Variants in ZNF827 observed in about 807,000 individuals in gnomAD.
ZNF827 encodes zinc finger protein 827.
A neutral mutation model predicts 102.4 loss-of-function variants in ZNF827; 13 were observed. The ratio of observed to expected loss-of-function variants is 0.13; its 90% CI spans 0.08 to 0.20. The LOEUF (loss-of-function observed/expected upper bound fraction) is 0.20. Among genes scored for constraint, ZNF827 ranks in the 10% least tolerant of loss-of-function variants. The pLI is 1.00. For synonymous variants in ZNF827, 523 were observed against 536.2 expected, an observed-to-expected ratio of 0.98 and a Z score of 0.34; for missense variants, 1,103 against 1,344.4, an observed-to-expected ratio of 0.82 and a Z score of 2.81.
intron 3 of ZNF827, among the ~76,000 whole-genome samples, chr4:145,889,647 G>A (rs2126838084): frequency 6.8e-6 from 1 of 147,782 alleles, no homozygotes; most frequent in East Asian, 2.0e-4. Flanking sequence ...TCCGCCTCCC[G>A]TACTGACCCC....
intron 6 of ZNF827, among the ~76,000 whole-genome samples, chr4:145,846,730 T>C: frequency 7.4e-6 from 1 of 134,430 alleles, no homozygotes; most frequent in Middle Eastern, 6.5e-3. Context: ...GGCAGGAGAA[T>C]GGCGTGAACC....
intron 8 of ZNF827, among the ~76,000 whole-genome samples, chr4:145,783,900 G>A (rs1291649568): frequency 6.6e-6 from 1 of 152,170 alleles, no homozygotes; most frequent in African/African-American, 2.4e-5. Flanking sequence ...ATTGGAGGTG[G>A]GGCCTTGTGG....
intron 5 of ZNF827, among the ~76,000 whole-genome samples, chr4:145,864,177 A>G (rs1029352056): frequency 1.3e-5 from 2 of 151,002 alleles, no homozygotes; most frequent in African/African-American, 2.4e-5. Flanking sequence ...CTCATACACA[A>G]CCTCCCACAC....
intron 10 of ZNF827, among the ~76,000 whole-genome samples, chr4:145,775,424 CA>C (rs1736910898): frequency 6.6e-6 from 1 of 151,750 alleles, no homozygotes; most frequent in African/African-American, 2.4e-5. Flanking sequence ...TATATTTCCT[CA>C]GCTTTTTTTT....
chr4:145,904,715 CGT>C (rs138520333), intron 1 of ZNF827, among the ~76,000 whole-genome samples: 36 of 151,698 alleles, frequency 2.4e-4, no homozygotes, highest in Non-Finnish European at 3.7e-4. Context: ...TGTGTATGCA[CGT>C]GTGTGTGTGT....
chr4:145,936,879 C>G (rs1396918636), intron 1 of ZNF827, among the ~76,000 whole-genome samples: 1 of 152,022 alleles, frequency 6.6e-6, no homozygotes, highest in Non-Finnish European at 1.5e-5. Context: ...GATCGGGCTC[C>G]GAGCAGCGCC....
chr4:145,779,366 T>G lies in ZNF827; in HGVS notation c.2521+8A>C, dbSNP rs751580703. The G allele has an allele frequency of 7.4e-6, 12 of 1,613,488 alleles. No individual in the cohort carries two copies. Among genetic ancestry groups the G allele is most frequent in the Non-Finnish European group, 1.0e-5 (12 of 1,179,750 alleles). ...AGAGGGCTGACAGCCCAGGCCCTAC[T>G]CACTCACCTGTGTGCAGCGAGAGGT... On this transcript the variant is annotated splice_region_variant and intron_variant, in intron 9 of 14. Coordinates refer to ENST00000508784, the MANE Select transcript of ZNF827 (RefSeq NM_001306215.2).
chr4:145,854,925 C>T (rs989774710), intron 5 of ZNF827, among the ~76,000 whole-genome samples: 1 of 151,454 alleles, frequency 6.6e-6, no homozygotes, highest in South Asian at 2.1e-4. Flanking sequence ...CTGCACTGAG[C>T]TCTCAGGGGA....
intron 8 of ZNF827, among the ~76,000 whole-genome samples, chr4:145,809,873 C>T (rs2126380329): frequency 6.6e-6 from 1 of 152,250 alleles, no homozygotes. Context: ...GCTCTGAGTT[C>T]CTGGGGAGAC....
At chr4:145,835,003 A>C (rs1023206451) in intron 7 of ZNF827, 7 of 152,280 alleles carry the variant, frequency 4.6e-5, no homozygotes, top group East Asian at 1.9e-4. Context: ...ACCTCCTCCC[A>C]CAGGAGCTTG....
intron 7 of ZNF827, chr4:145,831,163 G>T (rs1486604621): frequency 6.6e-6 from 1 of 152,196 alleles, no homozygotes; most frequent in South Asian, 2.1e-4. Flanking sequence ...TAGGGAATGT[G>T]GGGGTGGACA....
chr4:145,880,095 C>T (rs1356242552), intron 4 of ZNF827, among the ~76,000 whole-genome samples: 18 of 152,158 alleles, frequency 1.2e-4, no homozygotes, highest in Admixed American at 1.2e-3. Flanking sequence ...ATTAGCTGGT[C>T]ATGGTGGCAG....
chr4:145,936,444 AT>A (rs374539907), intron 1 of ZNF827, among the ~76,000 whole-genome samples: 33,315 of 148,548 alleles, frequency 0.22, 3,739 homozygotes, highest in South Asian at 0.25. Flanking sequence ...GCACAGGGGC[AT>A]TTTTTTTTTT....
At chr4:145,867,067 G>A (rs992199075) in intron 5 of ZNF827, among the ~76,000 whole-genome samples, 2 of 152,124 alleles carry the variant, frequency 1.3e-5, no homozygotes, top group Non-Finnish European at 2.9e-5. Context: ...AATTATCTTT[G>A]GCAACCATAT....
rs555366388 is a variant in ZNF827, at chr4:145,858,116, G to A, written c.1982-8555C>T. On this transcript the variant is annotated intron_variant, in intron 5 of 14. Transcript: ENST00000508784. ...ATATCCTTCCATGAACCAGAGTGCTGATGTGTGTGCATGTGTGAGTGTGTG... is the reference window on the plus strand; with the variant it reads ...ATATCCTTCCATGAACCAGAGTGCTAATGTGTGTGCATGTGTGAGTGTGTG... Among the ~76,000 whole-genome samples the A allele has an allele frequency of 2.1e-5, 3 of 143,610 alleles. No homozygotes were observed. The East Asian group carries it at 6.4e-4, about 30-fold the overall frequency. The allele number at this position is 143,610 out of a possible 152,430, so 94.2% of individuals were successfully genotyped here.
intron 8 of ZNF827, among the ~76,000 whole-genome samples, chr4:145,804,777 G>C (rs1227321905): frequency 1.3e-5 from 2 of 152,070 alleles, no homozygotes; most frequent in Admixed American, 6.5e-5. Context: ...TCCATGAGTG[G>C]GGACAGTGCA....
chr4:145,856,394 C>T (rs373334162), intron 5 of ZNF827, among the ~76,000 whole-genome samples: 100 of 152,202 alleles, frequency 6.6e-4, no homozygotes, highest in South Asian at 5.6e-3. Context: ...CAGTGTGGCC[C>T]TTGGTGGGGA....
chr4:145,900,357 A>G (rs575669221), intron 2 of ZNF827, among the ~76,000 whole-genome samples: 4 of 152,298 alleles, frequency 2.6e-5, no homozygotes, highest in African/African-American at 9.6e-5. Flanking sequence ...AACGCCATTC[A>G]CACATTTATT....
At position 145,902,772 on chromosome 4, in the gene ZNF827, C is replaced by T. The variant is rs139372039; in HGVS notation, c.487G>A (p.Ala163Thr). 5.6e-6 allele frequency: 9 copies of T among 1,613,918 alleles called. No homozygotes were observed. Among genetic ancestry groups the T allele is most frequent in the Middle Eastern group, 3.3e-4 (2 of 6,062 alleles). The part of the protein sequence containing the change: ...NLSFSPPSHH[A>T]QQLSVLARKL... Reference sequence around the variant, plus strand: ...CTGGCCAGAACACTGAGCTGCTGGGCGTGGTGGGAAGGCGGGGAAAAGGAG... The same window carrying T: ...CTGGCCAGAACACTGAGCTGCTGGGTGTGGTGGGAAGGCGGGGAAAAGGAG... The change falls in exon 2 of 15, where the codon GCC becomes ACC. Residue 163 changes from alanine to threonine, a missense_variant. Ala to Thr is a moderately conservative substitution (Grantham distance 58). Transcript: ENST00000508784. The surrounding 1 kb of genome is among the most constrained non-coding windows in gnomAD (Gnocchi z 4.3).
Sources: gnomAD v4.1 joint callset for allele counts (sites outside exome capture counted in the v4.1 genomes callset) on GRCh38, gnomAD v4.1.1 for gene constraint, Gnocchi (gnomAD v3.1) non-coding constraint, MANE v1.5 for transcripts, NCBI Gene and HGNC (gene_info 2026-07-23, HGNC 2026-07-21) for gene names.